PCDHA7: variants seen among roughly 807,000 people sequenced by gnomAD.
PCDHA7 encodes the protein protocadherin alpha 7.
In PCDHA7, 37 loss-of-function variants were observed where a neutral mutation model predicts 57.2. That is an observed-to-expected ratio of 0.65 (90% CI 0.50 to 0.85). The LOEUF (loss-of-function observed/expected upper bound fraction) is 0.85, where lower values mean the gene tolerates loss of function less well. Among genes scored for constraint, PCDHA7 ranks in the 40% least tolerant of loss-of-function variants. The probability of loss-of-function intolerance (pLI) is 0.00; values close to 1 mark genes in which losing one functional copy is unlikely to be tolerated. For synonymous variants in PCDHA7, 553 were observed against 558.8 expected, an observed-to-expected ratio of 0.99 and a Z score of 0.15; for missense variants, 1,188 against 1,241.8, an observed-to-expected ratio of 0.96 and a Z score of 0.65.
intron 2 of PCDHA7, among the ~76,000 whole-genome samples, chr5:140,981,989 A>G (rs1343187322): frequency 2.0e-5 from 3 of 152,236 alleles, no homozygotes; most frequent in African/African-American, 4.8e-5. Flanking sequence ...AAAATAGAAA[A>G]TAAGGTTAAG....
chr5:140,836,673 C>G lies in PCDHA7; in HGVS notation c.2290C>G (p.Pro764Ala), dbSNP rs2150267482. 2 of 1,613,246 alleles carry G rather than the reference C, an allele frequency of 1.2e-6. No homozygotes were observed. Among genetic ancestry groups the G allele is most frequent in the Non-Finnish European group, 8.5e-7 (1 of 1,179,468 alleles). The change falls in exon 1 of 4, where the codon CCA becomes GCA. Residue 764 changes from proline (P) to alanine (A), a missense_variant. This residue lies in a region of PCDHA7 where 892 missense variants were observed against 788.5 expected (regional missense o/e 1.13). Transcript: ENST00000525929. ...RRQRVCSGEG[P>A]PKTDLMAFSP... ...GCAGAGGGTGTGCTCTGGGGAGGGCCCACCCAAGACAGACCTCATGGCCTT... is the reference window on the plus strand; with the variant it reads ...GCAGAGGGTGTGCTCTGGGGAGGGCGCACCCAAGACAGACCTCATGGCCTT...
rs78166744 is a variant in PCDHA7, at chr5:140,875,394, G to A, written c.2355+38656G>A. Reference sequence around the variant, plus strand: ...TACTAAATATGTACTTACAGAAAAGGGTGACTGCTCATAAAATACCTCAGG... The same window carrying A: ...TACTAAATATGTACTTACAGAAAAGAGTGACTGCTCATAAAATACCTCAGG... On this transcript the variant is annotated intron_variant, in intron 1 of 3. Coordinates refer to ENST00000525929, the MANE Select transcript of PCDHA7 (RefSeq NM_018910.3). The A allele has an allele frequency of 1.4e-3, 2,104 of 1,476,976 alleles. 18 individuals carry two copies. The African/African-American group carries it at 0.02, about 14-fold the overall frequency. The allele number at this position is 1,476,976 out of a possible 1,614,324, so 91.5% of individuals were successfully genotyped here.
chr5:140,891,418 C>G (rs2063090538), intron 1 of PCDHA7, among the ~76,000 whole-genome samples: 1 of 146,594 alleles, frequency 6.8e-6, no homozygotes, highest in Non-Finnish European at 1.5e-5. Flanking sequence ...CCACTCTTGC[C>G]CCCAAGTCCC....
Position 141,009,727 on chromosome 5 carries a change from C to T in PCDHA7, c.2604C>T (p.Pro868=), listed in dbSNP as rs781880006. The part of the protein sequence containing the change: ...YGPGNPKQSG[P]GELPDKFIIP... ...CAGGCAACCCCAAACAATCCGGTCC[C>T]GGTGAGTTGCCCGACAAATTCATTA... Residue 868 remains proline, a synonymous_variant, in exon 4 of 4, where the codon CCC becomes CCT. Coordinates refer to ENST00000525929, the MANE Select transcript of PCDHA7 (RefSeq NM_018910.3). The T allele has an allele frequency of 3.1e-6, 5 of 1,614,022 alleles. No homozygotes were observed. The highest frequency in any genetic ancestry group is 2.2e-5 in the East Asian group (1 of 44,886).
At chr5:140,839,836 C>A (rs1318845846) in intron 1 of PCDHA7, among the ~76,000 whole-genome samples, 1 of 151,888 alleles carries the variant, frequency 6.6e-6, no homozygotes, top group African/African-American at 2.4e-5. Flanking sequence ...CATGATGAAT[C>A]CATGGAGAAT....
chr5:140,836,893 G>A (rs992802936), intron 1 of PCDHA7, 155 bp downstream of exon 1: 5 of 624,992 alleles, frequency 8.0e-6, no homozygotes, highest in Admixed American at 3.5e-5. Flanking sequence ...TTATTTGGAA[G>A]TACGTTTAAT....
rs1444177179 is a variant in PCDHA7 at position 140,984,821 on chromosome 5, T to C, written c.2503+2258T>C. On this transcript the variant is annotated intron_variant, in intron 3 of 3. Transcript: ENST00000525929. ...CTGCCTGAATTCATATTTTCTTAAT[T>C]ACCCTTTCTGTAAATTGGGTGTAGT... Among the ~76,000 whole-genome samples, 4 of 152,192 alleles carry C rather than the reference T, an allele frequency of 2.6e-5. No individual in the cohort carries two copies. In the East Asian group the frequency reaches 7.7e-4, roughly 29 times the overall value.
chr5:140,966,864 T>A, intron 1 of PCDHA7: 1 of 1,564,920 alleles, frequency 6.4e-7, no homozygotes. Flanking sequence ...CTGCTGTTGC[T>A]GCTGCTGCTA....
chr5:140,929,285 T>C, intron 1 of PCDHA7: 15 of 1,600,688 alleles, frequency 9.4e-6, no homozygotes, highest in Non-Finnish European at 1.3e-5. Flanking sequence ...TGTATTCAGA[T>C]TCGGAATAGG....
At chr5:141,000,389 CTCTCTCTATA>C (rs1363755181) in intron 3 of PCDHA7, among the ~76,000 whole-genome samples, 150 of 62,510 alleles carry the variant, frequency 2.4e-3, no homozygotes, top group African/African-American at 5.3e-3. Context: ...CTCTCTCTCT[CTCTCTCTATA>C]TATATATATA....
chr5:140,854,158 T>C, intron 1 of PCDHA7: 3 of 123,422 alleles, frequency 2.4e-5, no homozygotes, highest in Non-Finnish European at 3.1e-5. Flanking sequence ...AGATTCTGTC[T>C]CAAAAAAAAA....
chr5:140,884,159 A>T, intron 1 of PCDHA7: 3 of 1,613,418 alleles, frequency 1.9e-6, no homozygotes, highest in Non-Finnish European at 2.5e-6. Context: ...CACTGGCGAG[A>T]TCAGCACGAC....
chr5:140,883,702 T>G (rs367854871), intron 1 of PCDHA7: 3 of 1,613,750 alleles, frequency 1.9e-6, no homozygotes, highest in Non-Finnish European at 2.5e-6. Flanking sequence ...TCACGGTGTC[T>G]GCTCAGGACG....
At chr5:140,940,987 T>A (rs1239979893) in intron 1 of PCDHA7, among the ~76,000 whole-genome samples, 2 of 152,190 alleles carry the variant, frequency 1.3e-5, no homozygotes, top group African/African-American at 4.8e-5. Flanking sequence ...TAGTTACAAG[T>A]TTATAGGATT....
Position 140,877,055 on chromosome 5 carries a change from T to C in PCDHA7, c.2355+40317T>C, listed in dbSNP as rs566250084. 7 of 1,612,792 alleles carry C rather than the reference T, an allele frequency of 4.3e-6. No homozygotes were observed. The Admixed American group carries it at 5.0e-5, about 12-fold the overall frequency. On this transcript the variant is annotated intron_variant, in intron 1 of 3. Coordinates refer to ENST00000525929, the MANE Select transcript of PCDHA7 (RefSeq NM_018910.3). ...CTGCAGCCGCTAGACCACGAGGAGC[T>C]GGAGCTGCTGCAGTTCCAGGTGAGC... is the stretch of plus-strand genomic sequence containing the variant.
Position 141,010,990 on chromosome 5 carries a change from A to G in PCDHA7, c.*1053A>G, listed in dbSNP as rs1399914066. The stretch of plus-strand genomic sequence containing the variant: ...GTGCTTTAAGAGAATTGCCTGAAAC[A>G]TCTGTATTATATCGGCCACCTGCCA... On this transcript the variant is annotated 3_prime_UTR_variant, in exon 4 of 4. Transcript: ENST00000525929. The G allele has an allele frequency of 6.5e-6, 1 of 153,770 alleles. No individual in the cohort carries two copies. Among genetic ancestry groups the G allele is most frequent in the Non-Finnish European group, 1.5e-5 (1 of 68,054 alleles). 9.5% of individuals were successfully genotyped at this position (153,770 alleles called of 1,614,324 possible). A position where few individuals can be genotyped will look rare whatever the true frequency, so the allele number is the denominator to read the frequency against.
At chr5:140,961,387 C>T (rs1249667395) in intron 1 of PCDHA7, among the ~76,000 whole-genome samples, 1 of 152,148 alleles carries the variant, frequency 6.6e-6, no homozygotes, top group Admixed American at 6.5e-5. Flanking sequence ...TTGAACTATT[C>T]CATTAGTAAA....
chr5:140,906,824 G>A (rs2072970432), intron 1 of PCDHA7, among the ~76,000 whole-genome samples: 1 of 152,216 alleles, frequency 6.6e-6, no homozygotes, highest in African/African-American at 2.4e-5. Flanking sequence ...CTGTGGAGTA[G>A]TAGACTGATT....
intron 1 of PCDHA7, chr5:140,862,574 C>G (rs1338632403): frequency 4.1e-6 from 2 of 484,868 alleles, no homozygotes; most frequent in East Asian, 1.1e-4. Context: ...AATGCCCTGG[C>G]GTTCCAGCAG....
Sources: allele counts gnomAD v4.1 joint callset (sites outside exome capture counted in the v4.1 genomes callset), GRCh38; gene constraint gnomAD v4.1.1; regional missense constraint gnomAD v4.1.1; transcripts MANE v1.5; gene names NCBI Gene and HGNC (gene_info 2026-07-23, HGNC 2026-07-21).